Variants in PHC2 observed in about 807,000 individuals in gnomAD.
PHC2 encodes polyhomeotic-like protein 2.
A neutral mutation model predicts 87.4 loss-of-function variants in PHC2; 29 were observed. The observed-to-expected ratio is 0.33, with a 90% CI of 0.25 to 0.45. PHC2 has a LOEUF of 0.45. Among genes scored for constraint, PHC2 ranks in the 20% least tolerant of loss-of-function variants. The pLI, the probability that PHC2 is intolerant of heterozygous loss-of-function variation, is 1.00. For synonymous variants in PHC2, 438 were observed against 461.7 expected, an observed-to-expected ratio of 0.95 and a Z score of 0.66; for missense variants, 857 against 1,136.7, an observed-to-expected ratio of 0.75 and a Z score of 3.54.
rs1232452448 is a variant in PHC2, at chr1:33,379,494, C to T, written c.-54-3901G>A. On this transcript the variant is annotated intron_variant, in intron 1 of 14. Coordinates refer to ENST00000683057, the MANE Select transcript of PHC2 (RefSeq NM_001385109.1). ...CCCACCCACTGTCCCGCCCCTCCTC[C>T]CACTACCACCCCCAACCACCCGTGT... 1.8e-4 allele frequency among the ~76,000 whole-genome samples: 13 copies of T among 72,300 alleles called. No individual in the cohort carries two copies. The East Asian group carries it at 4.2e-3, about 24-fold the overall frequency. 47.4% of individuals were successfully genotyped at this position (72,300 alleles called of 152,430 possible). A position where few individuals can be genotyped will look rare whatever the true frequency, so the allele number is the denominator to read the frequency against.
Position 33,331,407 on chromosome 1 carries a change from C to T in PHC2, c.1947G>A (p.Val649=). The change falls in exon 12 of 15, where the codon GTG becomes GTA. Residue 649 remains valine, a synonymous_variant. Coordinates refer to ENST00000683057, the MANE Select transcript of PHC2 (RefSeq NM_001385109.1). The surrounding 1 kb of genome is among the most constrained non-coding windows in gnomAD (Gnocchi z 5.2). ...AACGCTTGAACTTATAGGCAAAGTC[C>T]ACCCGGCCACAGAGCTCACACTTGA... is the stretch of plus-strand genomic sequence containing the variant. ...LKLKCELCGR[V]DFAYKFKRSK... The T allele has an allele frequency of 6.2e-7, 1 of 1,613,312 alleles. No individual in the cohort carries two copies. The highest frequency in any genetic ancestry group is 8.5e-7 in the Non-Finnish European group (1 of 1,179,508).
At chr1:33,359,365 G>C (rs1647153220) in intron 7 of PHC2, among the ~76,000 whole-genome samples, 1 of 152,150 alleles carries the variant, frequency 6.6e-6, no homozygotes, top group Non-Finnish European at 1.5e-5. Context: ...ATAGTTACAG[G>C]ACTACTTATG....
At chr1:33,351,665 A>G (rs1570473415) in intron 9 of PHC2, among the ~76,000 whole-genome samples, 1 of 152,202 alleles carries the variant, frequency 6.6e-6, no homozygotes, top group East Asian at 1.9e-4. Context: ...ACACATACAC[A>G]GAATGGGCCG....
chr1:33,402,413 T>C (rs1178671388), intron 1 of PHC2, among the ~76,000 whole-genome samples: 1 of 152,158 alleles, frequency 6.6e-6, no homozygotes, highest in African/African-American at 2.4e-5. Context: ...CCATATGATA[T>C]GGCCTAGCAA....
chr1:33,345,409 TC>T, intron 9 of PHC2: 1 of 292,526 alleles, frequency 3.4e-6, no homozygotes, highest in Non-Finnish European at 5.1e-6. Flanking sequence ...AAGAATGTTC[TC>T]TTCTTTTGGA....
intron 1 of PHC2, among the ~76,000 whole-genome samples, chr1:33,403,756 A>G (rs1649641629): frequency 6.6e-6 from 1 of 152,238 alleles, no homozygotes; most frequent in African/African-American, 2.4e-5. Context: ...TAAAGGTAAT[A>G]AACATTTTCA....
chr1:33,389,921 A>G (rs1648965196), intron 1 of PHC2, among the ~76,000 whole-genome samples: 1 of 152,182 alleles, frequency 6.6e-6, no homozygotes, highest in African/African-American at 2.4e-5. Flanking sequence ...TTTCCAGTCA[A>G]GCATAACTCT....
intron 9 of PHC2, chr1:33,335,214 G>T: frequency 1.0e-6 from 1 of 985,378 alleles, no homozygotes. Context: ...ACTTCAAACA[G>T]CATCTCTCAT....
chr1:33,347,362 A>G (rs1646863473), intron 9 of PHC2: 4 of 985,330 alleles, frequency 4.1e-6, no homozygotes, highest in Non-Finnish European at 2.4e-6. Flanking sequence ...GAGAATGATG[A>G]CTGTGACAGA....
chr1:33,400,056 A>G (rs1028769361), intron 1 of PHC2, among the ~76,000 whole-genome samples: 4 of 152,198 alleles, frequency 2.6e-5, no homozygotes, highest in African/African-American at 9.7e-5. Context: ...ATAAACCTAT[A>G]AAAGGATGTT....
chr1:33,354,936 GC>G lies in PHC2; in HGVS notation c.1293del (p.Pro432LeufsTer98). 6.2e-7 allele frequency: 1 copy of G among 1,614,204 alleles called. No homozygotes were observed. Among genetic ancestry groups the G allele is most frequent in the Non-Finnish European group, 8.5e-7 (1 of 1,180,032 alleles). On this transcript the variant is annotated frameshift_variant, in exon 8 of 15. Transcript: ENST00000683057. LOFTEE classifies it high-confidence loss of function. ...ACGCCCTCGGGATGTCCATTCTGAG[GC>G]CCAGTATCAGGTGTGGGAGGGTGAC... ...QQCHPPTPDT[G>X]PQNGHPEGVP...
At chr1:33,394,921 T>G (rs1649234160) in intron 1 of PHC2, among the ~76,000 whole-genome samples, 1 of 152,292 alleles carries the variant, frequency 6.6e-6, no homozygotes, top group East Asian at 1.9e-4. Context: ...ACTTTGGAAA[T>G]CAGTCTGCCA....
intron 7 of PHC2, chr1:33,358,961 G>C (rs955095628): frequency 6.6e-6 from 1 of 152,164 alleles, no homozygotes; most frequent in Non-Finnish European, 1.5e-5. Flanking sequence ...GTGAGCTCTT[G>C]AGTCAAAATG....
Position 33,332,207 on chromosome 1 carries a change from G to A in PHC2, c.1891+68C>T. ...GGTTCCTCTGGGGAAACAGAGAGAG[G>A]AAGTGTGTGAGGCCTGCCTTTCCAG... On this transcript the variant is annotated intron_variant, in intron 11 of 14. Transcript: ENST00000683057. The surrounding 1 kb of genome is among the most constrained non-coding windows in gnomAD (Gnocchi z 4.2). 5 of 1,580,806 alleles carry A rather than the reference G, an allele frequency of 3.2e-6. No individual in the cohort carries two copies. The highest frequency in any genetic ancestry group is 4.3e-6 in the Non-Finnish European group (5 of 1,150,694).
At chr1:33,427,558 C>A (rs1407387487) in intron 1 of PHC2, among the ~76,000 whole-genome samples, 1 of 151,964 alleles carries the variant, frequency 6.6e-6, no homozygotes, top group East Asian at 1.9e-4. Flanking sequence ...TCTCATGTGG[C>A]TTTTCATATC....
intron 9 of PHC2, chr1:33,335,181 C>G (rs867734384): frequency 3.0e-6 from 3 of 985,206 alleles, no homozygotes; most frequent in South Asian, 4.7e-5. Flanking sequence ...CACAACCACA[C>G]GACAGTGAAC....
At chr1:33,383,872 A>C (rs763425623) in intron 1 of PHC2, among the ~76,000 whole-genome samples, 3 of 151,828 alleles carry the variant, frequency 2.0e-5, no homozygotes, top group Non-Finnish European at 4.4e-5. Flanking sequence ...ACCTGCAGCC[A>C]CCAGAAGCTA....
chr1:33,387,045 G>T (rs921191722), intron 1 of PHC2, among the ~76,000 whole-genome samples: 14 of 152,218 alleles, frequency 9.2e-5, no homozygotes, highest in Non-Finnish European at 2.1e-4. Context: ...ATGGGAAGTG[G>T]CTAATTATCA....
intron 1 of PHC2, among the ~76,000 whole-genome samples, chr1:33,402,137 G>A (rs1046843963): frequency 6.6e-6 from 1 of 152,012 alleles, no homozygotes; most frequent in Non-Finnish European, 1.5e-5. Flanking sequence ...ACAGAAAAAT[G>A]GGCATCACAC....
Sources: allele counts gnomAD v4.1 joint callset (sites outside exome capture counted in the v4.1 genomes callset), GRCh38; gene constraint gnomAD v4.1.1; non-coding constraint Gnocchi (gnomAD v3.1); transcripts MANE v1.5; gene names NCBI Gene and HGNC (gene_info 2026-07-23, HGNC 2026-07-21).